The following TRRAP variants were observed in gnomAD, a reference collection of about 807,000 sequenced individuals.
TRRAP encodes the protein transformation/transcription domain-associated protein.
A neutral mutation model predicts 438.8 loss-of-function variants in TRRAP; 41 were observed. The ratio of observed to expected loss-of-function variants is 0.09; its 90% CI spans 0.07 to 0.12. The LOEUF is 0.12. Among genes scored for constraint, TRRAP ranks in the 10% least tolerant of loss-of-function variants. The pLI is 1.00. For missense variants in TRRAP, 3,122 were observed against 5,055.1 expected, an observed-to-expected ratio of 0.62 and a Z score of 11.60; for synonymous variants, 1,994 against 1,962.9, an observed-to-expected ratio of 1.02 and a Z score of -0.42.
chr7:98,910,218 G>GGCCCCCCCCCCC lies in TRRAP; in HGVS notation c.1513_1514insGCCCCCCCCCCC (p.Ala505delinsGlyProProProPro). 1.5e-6 allele frequency: 2 copies of GGCCCCCCCCCCC among 1,377,608 alleles called. No individual in the cohort carries two copies. The highest frequency in any genetic ancestry group is 1.9e-6 in the Non-Finnish European group (2 of 1,064,930). The allele number at this position is 1,377,608 out of a possible 1,614,324, so 85.3% of individuals were successfully genotyped here. ...TGCTCCCTCCCCAGCCCCTGTCCCT[G>GGCCCCCCCCCCC]CCCCACCTCCACCCCCGCCCCCACC... On this transcript the variant is annotated protein_altering_variant, in exon 15 of 73. Coordinates refer to ENST00000456197, the MANE Select transcript of TRRAP (RefSeq NM_001375524.1).
At chr7:98,930,497 G>C in intron 24 of TRRAP, 136 bp from the exon 25 acceptor site, 2 of 1,195,006 alleles carry the variant, frequency 1.7e-6, no homozygotes, top group South Asian at 2.9e-5. Flanking sequence ...AGAATCACTT[G>C]AACCTGGGAG....
intron 3 of TRRAP, among the ~76,000 whole-genome samples, chr7:98,887,894 C>A (rs149170977): frequency 0.011 from 1,641 of 152,130 alleles, 12 homozygotes; most frequent in Non-Finnish European, 0.016. Flanking sequence ...ATTTAACTGC[C>A]CAGGTGTCTG....
intron 12 of TRRAP, among the ~76,000 whole-genome samples, chr7:98,904,515 T>C (rs868915630): frequency 4.0e-5 from 6 of 151,578 alleles, no homozygotes; most frequent in Admixed American, 6.6e-5. Context: ...AAAAATACTT[T>C]TCATGCTTAC....
At chr7:98,977,832 C>G (rs894407246) in intron 56 of TRRAP, among the ~76,000 whole-genome samples, 1 of 152,240 alleles carries the variant, frequency 6.6e-6, no homozygotes, top group Non-Finnish European at 1.5e-5. Flanking sequence ...CACGTCTGGA[C>G]AGCCTCTCCT....
At chr7:98,895,869 T>G (rs1554405661) in intron 7 of TRRAP, 49 bp downstream of exon 7, 1 of 1,463,260 alleles carries the variant, frequency 6.8e-7, no homozygotes, top group East Asian at 2.3e-5. Flanking sequence ...TATACTTCCT[T>G]ATTCCAAAAA....
At chr7:98,964,585 G>A (rs370460605) in intron 47 of TRRAP, 44 bp from the exon 48 acceptor site, 32 of 1,593,962 alleles carry the variant, frequency 2.0e-5, no homozygotes, top group Non-Finnish European at 2.7e-5. Context: ...GTTTTTCGTG[G>A]TTGTTACTTT....
rs782561742 is a variant in TRRAP at position 98,949,536 on chromosome 7, C to G, written c.4908C>G (p.Pro1636=). The G allele has an allele frequency of 6.3e-7, 1 of 1,592,572 alleles. No homozygotes were observed. The highest frequency in any genetic ancestry group is 8.5e-7 in the Non-Finnish European group (1 of 1,170,022). Residue 1636 remains proline (P), a synonymous_variant, in exon 36 of 73, where the codon CCC becomes CCG. Transcript: ENST00000456197. Reference sequence around the variant, plus strand: ...AGACGGCTGTGCGCCCCGGTTCGCCCAGCACCAGCACCATGCGCCTGGACC... The same window carrying G: ...AGACGGCTGTGCGCCCCGGTTCGCCGAGCACCAGCACCATGCGCCTGGACC... ...GAQTAVRPGS[P]STSTMRLDLQ...
In TRRAP at chr7:98,953,304, C is replaced by A; in HGVS notation, c.5601C>A (p.Arg1867=). 1 of 1,614,068 alleles carries A rather than the reference C, an allele frequency of 6.2e-7. No homozygotes were observed. Among genetic ancestry groups the A allele is most frequent in the Non-Finnish European group, 8.5e-7 (1 of 1,180,044 alleles). ...NNKNRNSKLR[R]LMTFAWPCLL... Reference sequence around the variant, plus strand: ...AGAACCGCAACAGCAAGCTGCGCCGCCTCATGACCTTCGCCTGGCCCTGCC... The same window carrying A: ...AGAACCGCAACAGCAAGCTGCGCCGACTCATGACCTTCGCCTGGCCCTGCC... Residue 1867 remains arginine, a synonymous_variant, in exon 40 of 73, where the codon CGC becomes CGA. Transcript: ENST00000456197.
At chr7:98,945,871 T>G in intron 32 of TRRAP, 59 bp from the exon 33 acceptor site, 1 of 1,569,616 alleles carries the variant, frequency 6.4e-7, no homozygotes. Context: ...TCTTTTCTTT[T>G]CTTTTCTTTT....
At chr7:98,895,362 C>T (rs1554405565) in intron 6 of TRRAP, among the ~76,000 whole-genome samples, 10 of 152,152 alleles carry the variant, frequency 6.6e-5, no homozygotes. Context: ...AGGAGAATTA[C>T]CGAGGCAAAG....
At chr7:98,992,407 C>G (rs543503316) in intron 65 of TRRAP, among the ~76,000 whole-genome samples, 180 bp downstream of exon 65, 62 of 152,338 alleles carry the variant, frequency 4.1e-4, no homozygotes, top group African/African-American at 1.4e-3. Flanking sequence ...AGTACAGTCT[C>G]TCTTTTGCCA....
At chr7:98,914,718 CAAAAAAAAAAAAA>C (rs71118646) in intron 18 of TRRAP, among the ~76,000 whole-genome samples, 6 of 41,292 alleles carry the variant, frequency 1.5e-4, no homozygotes, top group Non-Finnish European at 2.3e-4. Flanking sequence ...GACCCTGTCT[CAAAAAAAAAAAAA>C]AAAAAAAAAA....
intron 67 of TRRAP, chr7:98,999,061 T>C: frequency 1.2e-5 from 12 of 999,434 alleles, no homozygotes; most frequent in Non-Finnish European, 1.8e-5. Flanking sequence ...AAGGCAGCCA[T>C]GACGGGCAGA....
In TRRAP at chr7:98,912,191, C is replaced by G; in HGVS notation, c.2177C>G (p.Ala726Gly). ...TTTGGCTCTGTCTCCCTCTTTGCAG[C>G]TGAAAATGAACAAATGCTGAAGGTA... is the stretch of plus-strand genomic sequence containing the variant. ...LVFGSVSLFA[A>G]ENEQMLKPHL... The change falls in exon 18 of 73, where the codon GCT becomes GGT. Residue 726 changes from alanine to glycine, a missense_variant. Transcript: ENST00000456197. 1 of 1,613,708 alleles carries G rather than the reference C, an allele frequency of 6.2e-7. No individual in the cohort carries two copies. Among genetic ancestry groups the G allele is most frequent in the Non-Finnish European group, 8.5e-7 (1 of 1,179,874 alleles).
Position 98,994,516 on chromosome 7 carries a change from A to T in TRRAP, c.10048-71A>T. 1 of 1,596,950 alleles carries T rather than the reference A, an allele frequency of 6.3e-7. No homozygotes were observed. Among genetic ancestry groups the T allele is most frequent in the Non-Finnish European group, 8.5e-7 (1 of 1,171,290 alleles). The stretch of plus-strand genomic sequence containing the variant: ...CTGGGCTGGGAGGGCCGCACTCAAT[A>T]GGCGCTTTTGGCTGCTGGTTCTGGA... On this transcript the variant is annotated intron_variant, in intron 66 of 72. Coordinates refer to ENST00000456197, the MANE Select transcript of TRRAP (RefSeq NM_001375524.1). This position sits in a 1 kb window ranked among gnomAD's most constrained non-coding sequence, Gnocchi z 4.8.
At chr7:98,896,482 T>G (rs1796210979) in intron 7 of TRRAP, among the ~76,000 whole-genome samples, 1 of 152,082 alleles carries the variant, frequency 6.6e-6, no homozygotes, top group Non-Finnish European at 1.5e-5. Context: ...TGATCTCTGC[T>G]CACCGCAGCC....
Position 98,931,727 on chromosome 7 carries a change from A to G in TRRAP, c.3852+62A>G, listed in dbSNP as rs1375626594. On this transcript the variant is annotated intron_variant, in intron 26 of 72. Transcript: ENST00000456197. ...CAAAACTTTTGAGCCTTTTTTTTAA[A>G]TTTGAGTTGAGGTGATACTCCGTTT... The G allele has an allele frequency of 4.4e-6, 7 of 1,577,438 alleles. 1 individual carries two copies. The highest frequency in any genetic ancestry group is 4.5e-5 in the East Asian group (2 of 44,476).
intron 62 of TRRAP, among the ~76,000 whole-genome samples, chr7:98,987,388 T>A (rs1294023609): frequency 6.6e-6 from 1 of 152,262 alleles, no homozygotes; most frequent in Admixed American, 6.5e-5. Flanking sequence ...TTCTTTAGTT[T>A]AATTCAACAA....
intron 67 of TRRAP, among the ~76,000 whole-genome samples, chr7:99,000,492 G>A (rs1447461753): frequency 6.6e-6 from 1 of 152,232 alleles, no homozygotes; most frequent in African/African-American, 2.4e-5. Context: ...CCTCCACAGT[G>A]TTTCCCTCCA....
Sources: gnomAD v4.1 joint callset for allele counts (sites outside exome capture counted in the v4.1 genomes callset) on GRCh38, gnomAD v4.1.1 for gene constraint, Gnocchi (gnomAD v3.1) non-coding constraint, MANE v1.5 for transcripts, NCBI Gene and HGNC (gene_info 2026-07-23, HGNC 2026-07-21) for gene names.